LPP: variants seen among roughly 807,000 people sequenced by gnomAD.
LPP encodes LIM domain containing preferred translocation partner in lipoma.
In LPP, 38 loss-of-function variants were observed where a neutral mutation model predicts 60.4. The observed-to-expected ratio is 0.63, with a 90% CI of 0.49 to 0.83. The LOEUF (loss-of-function observed/expected upper bound fraction) is 0.83. LPP is among the 40% of genes least tolerant of loss of function. The pLI is 0.00. For synonymous variants in LPP, 328 were observed against 290.8 expected (o/e 1.13, Z -1.30); for missense variants, 902 against 783.6 (o/e 1.15, Z -1.80).
intron 6 of LPP, chr3:188,562,374 C>T (rs1830935404): frequency 1.3e-5 from 2 of 152,002 alleles, no homozygotes; most frequent in South Asian, 4.1e-4. Flanking sequence ...CACAGTTTCA[C>T]CATAGTTGAT....
chr3:188,701,153 T>G (rs1361807019), intron 7 of LPP, among the ~76,000 whole-genome samples: 1 of 152,200 alleles, frequency 6.6e-6, no homozygotes, highest in Non-Finnish European at 1.5e-5. Context: ...CTTAATCTAG[T>G]GGAGTTTCCT....
At chr3:188,808,493 C>T (rs1749861220) in intron 9 of LPP, among the ~76,000 whole-genome samples, 2 of 151,936 alleles carry the variant, frequency 1.3e-5, no homozygotes, top group African/African-American at 2.4e-5. Flanking sequence ...ATCACTGGTG[C>T]CCTAAGAGCC....
In LPP at chr3:188,201,900, G is replaced by C. The variant is rs553478156; in HGVS notation, c.-189-23505G>C. 2.6e-5 allele frequency among the ~76,000 whole-genome samples: 4 copies of C among 152,144 alleles called. No individual in the cohort carries two copies. The East Asian group carries it at 7.8e-4, about 30-fold the overall frequency. The stretch of plus-strand genomic sequence containing the variant: ...GTTGAAGACTACGAGTGTGCTTGAT[G>C]ATGTGTAGGACGTGGATATTTGGTG... On this transcript the variant is annotated intron_variant, in intron 1 of 11. Coordinates refer to ENST00000617246, the MANE Select transcript of LPP (RefSeq NM_001375462.1).
At position 188,211,499 on chromosome 3, in the gene LPP, G is replaced by C. The variant is rs77183381; in HGVS notation, c.-189-13906G>C. ...CATCTCGGAGCACCTCCTATATCCC[G>C]ACACACCATTTCCCCTAGTGTCTGA... On this transcript the variant is annotated intron_variant, in intron 1 of 11. Coordinates refer to ENST00000617246, the MANE Select transcript of LPP (RefSeq NM_001375462.1). Among the ~76,000 whole-genome samples the C allele has an allele frequency of 3.2e-3, 487 of 151,982 alleles. 4 individuals carry two copies. The highest frequency in any genetic ancestry group is 0.011 in the African/African-American group (467 of 41,448).
intron 1 of LPP, among the ~76,000 whole-genome samples, chr3:188,220,184 TA>T (rs1309603028): frequency 2.6e-5 from 4 of 152,196 alleles, no homozygotes; most frequent in Non-Finnish European, 5.9e-5. Flanking sequence ...AGGAGTAGTA[TA>T]AAAATGGTCT....
At position 188,293,080 on chromosome 3, in the gene LPP, G is replaced by A. The variant is rs562204347; in HGVS notation, c.-66-48583G>A. Among the ~76,000 whole-genome samples the A allele has an allele frequency of 3.9e-5, 6 of 152,272 alleles. No homozygotes were observed. The East Asian group carries it at 5.8e-4, about 15-fold the overall frequency. ...CCCTTCTCTGAGTTTCTCTCATACC[G>A]TTAATTTTATTTGAGCTGGCATTGA... On this transcript the variant is annotated intron_variant, in intron 2 of 11. Transcript: ENST00000617246.
chr3:188,557,605 A>T (rs1361089990), intron 6 of LPP, among the ~76,000 whole-genome samples: 24 of 152,106 alleles, frequency 1.6e-4, no homozygotes, highest in Non-Finnish European at 1.5e-4. Context: ...AGCTATATTT[A>T]TACTTCTCAC....
At chr3:188,507,033 G>A (rs1016303089) in intron 5 of LPP, among the ~76,000 whole-genome samples, 5 of 151,850 alleles carry the variant, frequency 3.3e-5, no homozygotes, top group Admixed American at 6.6e-5. Flanking sequence ...TCCTGGCCTC[G>A]TGGTCCACCT....
At chr3:188,442,221 C>G (rs1794171399) in intron 4 of LPP, among the ~76,000 whole-genome samples, 1 of 151,966 alleles carries the variant, frequency 6.6e-6, no homozygotes, top group South Asian at 2.1e-4. Flanking sequence ...TTTGCTGCAC[C>G]CATCAACTCG....
At chr3:188,399,203 C>T (rs1466339892) in intron 3 of LPP, among the ~76,000 whole-genome samples, 1 of 152,148 alleles carries the variant, frequency 6.6e-6, no homozygotes, top group African/African-American at 2.4e-5. Flanking sequence ...GGTCTGAATT[C>T]TGAAGATCAG....
At chr3:188,265,549 A>G (rs1055386388) in intron 2 of LPP, among the ~76,000 whole-genome samples, 2 of 152,186 alleles carry the variant, frequency 1.3e-5, no homozygotes, top group African/African-American at 2.4e-5. Flanking sequence ...CGCTGTGAGA[A>G]GGCAAGGTGT....
chr3:188,179,301 T>C (rs867560259), intron 1 of LPP: 7 of 458,284 alleles, frequency 1.5e-5, no homozygotes, highest in African/African-American at 1.2e-4. Flanking sequence ...GACCCGTGCA[T>C]GTGCCTCTGA....
At chr3:188,439,327 AATC>A (rs1402634182) in intron 4 of LPP, among the ~76,000 whole-genome samples, 3 of 152,202 alleles carry the variant, frequency 2.0e-5, no homozygotes, top group Non-Finnish European at 2.9e-5. Context: ...CCATGTACAA[AATC>A]AGCGACTTCT....
chr3:188,355,726 A>G (rs1767404565), intron 3 of LPP, among the ~76,000 whole-genome samples: 1 of 152,248 alleles, frequency 6.6e-6, no homozygotes, highest in Non-Finnish European at 1.5e-5. Context: ...TCTTAAAAAT[A>G]TGAAGTGTCA....
intron 2 of LPP, among the ~76,000 whole-genome samples, chr3:188,309,212 G>A (rs560878902): frequency 6.6e-6 from 1 of 151,914 alleles, no homozygotes; most frequent in South Asian, 2.1e-4. Flanking sequence ...GCAGAGATGG[G>A]GTTTCACCAT....
chr3:188,512,931 A>G (rs960479566), intron 5 of LPP, among the ~76,000 whole-genome samples: 1 of 152,182 alleles, frequency 6.6e-6, no homozygotes, highest in Non-Finnish European at 1.5e-5. Flanking sequence ...ATCAATAGCA[A>G]AATTACCTGA....
chr3:188,772,628 G>A (rs1046624569), intron 9 of LPP, among the ~76,000 whole-genome samples: 1 of 152,108 alleles, frequency 6.6e-6, no homozygotes, highest in African/African-American at 2.4e-5. Context: ...CCGAGTAGCT[G>A]GGACTACAGG....
chr3:188,458,880 T>C (rs1305727673), intron 4 of LPP, among the ~76,000 whole-genome samples: 1 of 152,114 alleles, frequency 6.6e-6, no homozygotes, highest in Non-Finnish European at 1.5e-5. Context: ...TTCTTTTTTT[T>C]TTTCTGGAAG....
At chr3:188,285,831 T>C (rs1158909445) in intron 2 of LPP, among the ~76,000 whole-genome samples, 1 of 152,192 alleles carries the variant, frequency 6.6e-6, no homozygotes, top group Non-Finnish European at 1.5e-5. Flanking sequence ...CCTGGGAGAA[T>C]TTCTGAGTTT....
Sources: allele counts gnomAD v4.1 joint callset (sites outside exome capture counted in the v4.1 genomes callset), GRCh38; gene constraint gnomAD v4.1.1; transcripts MANE v1.5; gene names NCBI Gene and HGNC (gene_info 2026-07-23, HGNC 2026-07-21).